GPD2: variants seen among roughly 807,000 people sequenced by gnomAD.
GPD2 encodes glycerol-3-phosphate dehydrogenase, mitochondrial.
Under a neutral mutation model 82.4 loss-of-function variants are expected in GPD2, and 54 were observed. That is an observed-to-expected ratio of 0.66 (90% confidence interval 0.53 to 0.82). The LOEUF (loss-of-function observed/expected upper bound fraction) is 0.82, where lower values mean the gene tolerates loss of function less well. GPD2 is among the 40% of genes least tolerant of loss of function. GPD2 has a pLI of 0.00. For synonymous variants in GPD2, 288 were observed against 306.1 expected, an observed-to-expected ratio of 0.94 and a Z score of 0.62; for missense variants, 748 against 896.2, an observed-to-expected ratio of 0.83 and a Z score of 2.11.
At chr2:156,493,758 C>T (rs1480736991) in intron 2 of GPD2, among the ~76,000 whole-genome samples, 4 of 152,090 alleles carry the variant, frequency 2.6e-5, no homozygotes, top group Admixed American at 2.0e-4. Context: ...AATGCTCTGG[C>T]GGTTTAGTCA....
At chr2:156,558,008 T>C (rs1349640669) in intron 9 of GPD2, among the ~76,000 whole-genome samples, 1 of 152,222 alleles carries the variant, frequency 6.6e-6, no homozygotes, top group Non-Finnish European at 1.5e-5. Flanking sequence ...AATAGTCTGT[T>C]ACTACATGGA....
chr2:156,554,502 T>G (rs1208589863), intron 8 of GPD2, among the ~76,000 whole-genome samples: 1 of 152,246 alleles, frequency 6.6e-6, no homozygotes, highest in Non-Finnish European at 1.5e-5. Context: ...TTGTTAATTT[T>G]GTTGTAACTT....
chr2:156,453,142 T>C lies in GPD2; in HGVS notation c.-9+16629T>C, dbSNP rs926500882. Among the ~76,000 whole-genome samples, 7 of 152,198 alleles carry C rather than the reference T, an allele frequency of 4.6e-5. No individual in the cohort carries two copies. The East Asian group carries it at 9.6e-4, about 21-fold the overall frequency. ...GCCAGTTGTGGTTGCATGTTTTTTT[T>C]CCCAGGCAGTTTCTTCAGCTGTTTG... On this transcript the variant is annotated intron_variant, in intron 1 of 16. Coordinates refer to ENST00000438166, the MANE Select transcript of GPD2 (RefSeq NM_000408.5).
the GPD2 span, among the ~76,000 whole-genome samples, chr2:156,412,056 G>A: frequency 2.6e-5 from 4 of 152,120 alleles, no homozygotes; most frequent in South Asian, 2.1e-4. Flanking sequence ...GTATTGAGCC[G>A]CAAAGATGTA....
rs542950582 is a variant in GPD2, at chr2:156,493,926, A to ATGTGTGTGTGTGTG, written c.103-2098_103-2085dup. On this transcript the variant is annotated intron_variant, in intron 2 of 16. Coordinates refer to ENST00000438166, the MANE Select transcript of GPD2 (RefSeq NM_000408.5). ...TTCTATGTACTTGTTATATATATGT[A>ATGTGTGTGTGTGTG]TGTGTGTGTGTGTGTGTGTGTGTGT... Among the ~76,000 whole-genome samples the ATGTGTGTGTGTGTG allele has an allele frequency of 3.6e-3, 487 of 136,294 alleles. 3 individuals are homozygous for ATGTGTGTGTGTGTG. Among genetic ancestry groups the ATGTGTGTGTGTGTG allele is most frequent in the Middle Eastern group, 0.012 (3 of 260 alleles). The allele number at this position is 136,294 out of a possible 152,430, so 89.4% of individuals were successfully genotyped here. A position where few individuals can be genotyped will look rare whatever the true frequency, so the allele number is the denominator to read the frequency against.
At chr2:156,557,293 A>AT in intron 8 of GPD2, 96 bp from the exon 9 acceptor site, 1 of 803,518 alleles carries the variant, frequency 1.2e-6, no homozygotes, top group Non-Finnish European at 2.1e-6. Flanking sequence ...TCTTGTTTGC[A>AT]TATTTGAGAA....
chr2:156,485,782 T>A (rs1378096819), intron 2 of GPD2, among the ~76,000 whole-genome samples: 1 of 152,196 alleles, frequency 6.6e-6, no homozygotes, highest in Non-Finnish European at 1.5e-5. Context: ...TACTCCACTG[T>A]ATGGGAGTGT....
intron 1 of GPD2, among the ~76,000 whole-genome samples, chr2:156,451,120 C>T (rs185114946): frequency 4.0e-5 from 6 of 150,054 alleles, no homozygotes; most frequent in Admixed American, 2.7e-4. Flanking sequence ...ACCTTTCCCC[C>T]CGTTCTATTC....
chr2:156,476,916 AT>A (rs2105203541), intron 2 of GPD2, among the ~76,000 whole-genome samples: 1 of 152,332 alleles, frequency 6.6e-6, no homozygotes, highest in Admixed American at 6.5e-5. Flanking sequence ...TCATTAGGAC[AT>A]TTTGTGATAC....
intron 6 of GPD2, among the ~76,000 whole-genome samples, chr2:156,547,425 G>A (rs560851283): frequency 6.6e-6 from 1 of 152,308 alleles, no homozygotes; most frequent in East Asian, 1.9e-4. Flanking sequence ...GTAAAGGCAA[G>A]GTGGGAAATG....
chr2:156,494,496 A>G (rs773318106), intron 2 of GPD2, among the ~76,000 whole-genome samples: 5 of 152,224 alleles, frequency 3.3e-5, no homozygotes, highest in Non-Finnish European at 7.3e-5. Flanking sequence ...AGTTTACCCA[A>G]TGGCTTCTAG....
chr2:156,533,887 C>T (rs1194688808), intron 6 of GPD2, among the ~76,000 whole-genome samples: 1 of 152,188 alleles, frequency 6.6e-6, no homozygotes, highest in Non-Finnish European at 1.5e-5. Context: ...GGGCTCCAGC[C>T]CACGGTAGCG....
At chr2:156,427,786 T>C in the GPD2 span, among the ~76,000 whole-genome samples, 1 of 152,108 alleles carries the variant, frequency 6.6e-6, no homozygotes, top group African/African-American at 2.4e-5. Context: ...AAGTTGAAAA[T>C]CAACATCACT....
Position 156,585,240 on chromosome 2 carries a change from G to T in GPD2, c.*2322G>T, listed in dbSNP as rs1421075904. The stretch of plus-strand genomic sequence containing the variant: ...TTTAAGAAAGGGAGACAAGCAATAG[G>T]GGGGAATAAGCTTCTTCAAAATTCA... On this transcript the variant is annotated 3_prime_UTR_variant, in exon 17 of 17. Transcript: ENST00000438166. 6.6e-6 allele frequency: 1 copy of T among 152,288 alleles called. No individual in the cohort carries two copies. Among genetic ancestry groups the T allele is most frequent in the Admixed American group, 6.6e-5 (1 of 15,208 alleles). 9.4% of individuals were successfully genotyped at this position (152,288 alleles called of 1,614,324 possible). A position where few individuals can be genotyped will look rare whatever the true frequency, so the allele number is the denominator to read the frequency against.
rs1052792590 is a variant in GPD2 at position 156,583,114 on chromosome 2, A to C, written c.*196A>C. ...TGTACTTTATTTGTATTTGCCATTC[A>C]GTCTAGCTTTTAAGTATATTTTTTT... On this transcript the variant is annotated 3_prime_UTR_variant, in exon 17 of 17. Transcript: ENST00000438166. 8 of 613,248 alleles carry C rather than the reference A, an allele frequency of 1.3e-5. No individual in the cohort carries two copies. The highest frequency in any genetic ancestry group is 2.3e-5 in the Non-Finnish European group (8 of 347,952). 38.0% of individuals were successfully genotyped at this position (613,248 alleles called of 1,614,324 possible).
chr2:156,461,542 C>T (rs1290537434), intron 1 of GPD2, among the ~76,000 whole-genome samples: 2 of 151,954 alleles, frequency 1.3e-5, no homozygotes, highest in Non-Finnish European at 2.9e-5. Flanking sequence ...CCATGCCCAG[C>T]TCATTTTTTC....
rs1688133447 is a variant in GPD2 at position 156,584,201 on chromosome 2, T to G, written c.*1283T>G. The G allele has an allele frequency of 6.6e-6, 1 of 152,024 alleles. No individual in the cohort carries two copies. Among genetic ancestry groups the G allele is most frequent in the African/African-American group, 2.4e-5 (1 of 41,424 alleles). 9.4% of individuals were successfully genotyped at this position (152,024 alleles called of 1,614,324 possible). Reference sequence around the variant, plus strand: ...GCAGTTTGGGATGCTTTTGCTACATTTTGGTGGCATTTTAACTAGTTATCT... The same window carrying G: ...GCAGTTTGGGATGCTTTTGCTACATGTTGGTGGCATTTTAACTAGTTATCT... On this transcript the variant is annotated 3_prime_UTR_variant, in exon 17 of 17. Coordinates refer to ENST00000438166, the MANE Select transcript of GPD2 (RefSeq NM_000408.5).
At position 156,490,403 on chromosome 2, in the gene GPD2, A is replaced by T. The variant is rs1023629836; in HGVS notation, c.103-5641A>T. 1.0e-4 allele frequency among the ~76,000 whole-genome samples: 15 copies of T among 149,446 alleles called. No individual in the cohort carries two copies. In the South Asian group the frequency reaches 1.3e-3, roughly 13 times the overall value. ...GCTTTTATGGAAAAAAAAAAAAAAC[A>T]AAAATAAAATGTTATTTTAAAAAGT... On this transcript the variant is annotated intron_variant, in intron 2 of 16. Transcript: ENST00000438166.
chr2:156,580,790 C>T (rs1359609693), intron 16 of GPD2, among the ~76,000 whole-genome samples: 1 of 152,100 alleles, frequency 6.6e-6, no homozygotes, highest in East Asian at 1.9e-4. Context: ...CAGGTTGTGT[C>T]CAGCATTACA....
Sources: allele counts gnomAD v4.1 joint callset (sites outside exome capture counted in the v4.1 genomes callset), GRCh38; gene constraint gnomAD v4.1.1; transcripts MANE v1.5; gene names NCBI Gene and HGNC (gene_info 2026-07-23, HGNC 2026-07-21).